The following DPP6 variants were observed in gnomAD, a reference collection of about 807,000 sequenced individuals.
DPP6 encodes the protein A-type potassium channel modulatory protein DPP6.
In DPP6, 69 loss-of-function variants were observed where a neutral mutation model predicts 122.6. The ratio of observed to expected loss-of-function variants is 0.56; its 90% CI spans 0.46 to 0.69. The LOEUF is 0.69. Ranked by LOEUF, DPP6 falls within the 30% of genes least tolerant of loss-of-function variation. The pLI, the probability that DPP6 is intolerant of heterozygous loss-of-function variation, is 0.00. For missense variants in DPP6, 928 were observed against 1,116.9 expected, an observed-to-expected ratio of 0.83 and a Z score of 2.41; for synonymous variants, 418 against 433.1, an observed-to-expected ratio of 0.97 and a Z score of 0.43.
chr7:154,186,139 G>C (rs570239199), intron 1 of DPP6, among the ~76,000 whole-genome samples: 2 of 152,122 alleles, frequency 1.3e-5, no homozygotes, highest in Non-Finnish European at 2.9e-5. Context: ...GATTTCATCC[G>C]AACAGCATGG....
At chr7:154,743,491 G>A (rs541949098) in intron 8 of DPP6, among the ~76,000 whole-genome samples, 6 of 152,268 alleles carry the variant, frequency 3.9e-5, no homozygotes, top group South Asian at 2.1e-4. Context: ...AAGTCGGAGC[G>A]GAGTGTGTGG....
intron 1 of DPP6, among the ~76,000 whole-genome samples, chr7:154,434,321 C>T (rs185787179): frequency 1.2e-4 from 18 of 152,282 alleles, no homozygotes; most frequent in African/African-American, 3.6e-4. Context: ...GTATTTTCTC[C>T]TTTTGTGACA....
chr7:154,444,076 T>C (rs1191609894), intron 1 of DPP6, among the ~76,000 whole-genome samples: 1 of 152,190 alleles, frequency 6.6e-6, no homozygotes, highest in Non-Finnish European at 1.5e-5. Context: ...CATATTAGCT[T>C]GCATTCTAAC....
At chr7:154,114,018 A>C (rs1280857581) in intron 1 of DPP6, among the ~76,000 whole-genome samples, 2 of 152,120 alleles carry the variant, frequency 1.3e-5, no homozygotes, top group Non-Finnish European at 2.9e-5. Flanking sequence ...TAAATGAGAA[A>C]AAGATAAAAT....
chr7:154,588,293 C>A, intron 5 of DPP6: 1 of 776,662 alleles, frequency 1.3e-6, no homozygotes, highest in Non-Finnish European at 1.9e-6. Flanking sequence ...CTCGTGAATA[C>A]TGAACTGATA....
chr7:153,975,682 G>A (rs943554028), intron 1 of DPP6, among the ~76,000 whole-genome samples: 26 of 151,836 alleles, frequency 1.7e-4, no homozygotes, highest in Non-Finnish European at 1.3e-4. Context: ...ATATCAAAAT[G>A]GTAAAACATG....
intron 1 of DPP6, among the ~76,000 whole-genome samples, chr7:154,395,280 G>A (rs371068165): frequency 6.6e-6 from 1 of 152,250 alleles, no homozygotes; most frequent in South Asian, 2.1e-4. Flanking sequence ...ATACCATCAG[G>A]TTGGAGGTTA....
At chr7:154,885,794 C>A in intron 22 of DPP6, 50 bp downstream of exon 22, 3 of 1,548,908 alleles carry the variant, frequency 1.9e-6, no homozygotes, top group Non-Finnish European at 1.7e-6. Flanking sequence ...CGCCCCGCCC[C>A]GCCCCCTGCC....
intron 1 of DPP6, among the ~76,000 whole-genome samples, chr7:154,040,737 A>G (rs1020698665): frequency 3.9e-5 from 6 of 152,312 alleles, no homozygotes; most frequent in African/African-American, 1.4e-4. Flanking sequence ...AATTCTATAT[A>G]TGTTCCTAGG....
In DPP6 at chr7:154,756,872, C is replaced by T. The variant is rs1019035293; in HGVS notation, c.884-12545C>T. On this transcript the variant is annotated intron_variant, in intron 8 of 25. Coordinates refer to ENST00000377770, the MANE Select transcript of DPP6 (RefSeq NM_130797.4). ...CTGTCGTTCCCTTCTCCATCCCTCA[C>T]GGCCCCCGAGGAACAGGCCAGCCCC... 4.6e-5 allele frequency among the ~76,000 whole-genome samples: 7 copies of T among 151,908 alleles called. No homozygotes were observed. The South Asian group carries it at 6.2e-4, about 14-fold the overall frequency.
At chr7:154,258,876 T>C (rs947658585) in intron 1 of DPP6, among the ~76,000 whole-genome samples, 1 of 152,200 alleles carries the variant, frequency 6.6e-6, no homozygotes, top group Admixed American at 6.5e-5. Flanking sequence ...ATCGGTAGCA[T>C]AGTTTCACAC....
At chr7:153,920,661 A>T (rs982757809) in intron 1 of DPP6, among the ~76,000 whole-genome samples, 5 of 141,062 alleles carry the variant, frequency 3.5e-5, no homozygotes, top group Admixed American at 7.8e-5. Flanking sequence ...CCTGGGTTCA[A>T]GCTGTTCTCC....
the DPP6 span, among the ~76,000 whole-genome samples, chr7:153,873,786 A>C: frequency 6.6e-6 from 1 of 152,230 alleles, no homozygotes; most frequent in African/African-American, 2.4e-5. Flanking sequence ...CAGAGCTGCC[A>C]AGGAAGTGAG....
At chr7:154,054,103 A>C (rs982339538) in intron 1 of DPP6, among the ~76,000 whole-genome samples, 41 of 150,876 alleles carry the variant, frequency 2.7e-4, no homozygotes, top group Non-Finnish European at 5.6e-4. Flanking sequence ...GTTTGTAGAA[A>C]TTACTATGTA....
chr7:153,966,227 G>A (rs1319077331), intron 1 of DPP6, among the ~76,000 whole-genome samples: 1 of 150,452 alleles, frequency 6.6e-6, no homozygotes, highest in Non-Finnish European at 1.5e-5. Flanking sequence ...CATATATGGG[G>A]CTGTGACCTG....
the DPP6 span, among the ~76,000 whole-genome samples, chr7:153,849,362 G>T: frequency 6.6e-5 from 10 of 151,812 alleles, no homozygotes; most frequent in Admixed American, 2.0e-4. Flanking sequence ...TGCTTTCCTG[G>T]TTCACCTGCT....
chr7:153,762,323 CAATA>C, the DPP6 span, among the ~76,000 whole-genome samples: 2,853 of 152,212 alleles, frequency 0.019, 32 homozygotes, highest in African/African-American at 0.036. Flanking sequence ...AAAATAAAAA[CAATA>C]AAGCAACTTT....
At chr7:153,937,325 C>G (rs1217690603) in intron 1 of DPP6, among the ~76,000 whole-genome samples, 1 of 152,096 alleles carries the variant, frequency 6.6e-6, no homozygotes, top group African/African-American at 2.4e-5. Flanking sequence ...CAATTCCCTC[C>G]TAACTATCAC....
intron 1 of DPP6, among the ~76,000 whole-genome samples, chr7:153,958,777 C>T (rs1795197005): frequency 6.6e-6 from 1 of 152,066 alleles, no homozygotes; most frequent in African/African-American, 2.4e-5. Context: ...GCTATTTCTC[C>T]CTGAACATCT....
Sources: gnomAD v4.1 joint callset for allele counts (sites outside exome capture counted in the v4.1 genomes callset) on GRCh38, gnomAD v4.1.1 for gene constraint, MANE v1.5 for transcripts, NCBI Gene and HGNC (gene_info 2026-07-23, HGNC 2026-07-21) for gene names.